The following PHLDB3 variants were observed in gnomAD, a reference collection of about 807,000 sequenced individuals.
The protein encoded by PHLDB3 is pleckstrin homology-like domain family B member 3.
PHLDB3 carries 86 observed loss-of-function variants against 85.7 expected under a neutral mutation model. The ratio of observed to expected loss-of-function variants is 1.00; its 90% CI spans 0.84 to 1.20. The LOEUF (loss-of-function observed/expected upper bound fraction) is 1.20, where lower values mean the gene tolerates loss of function less well. Among genes scored for constraint, PHLDB3 ranks in the 50% most tolerant of loss-of-function variants. The pLI is 0.00. For missense variants in PHLDB3, 995 were observed against 873.0 expected, an observed-to-expected ratio of 1.14 and a Z score of -1.76; for synonymous variants, 376 against 349.8, an observed-to-expected ratio of 1.07 and a Z score of -0.83.
At chr19:43,483,794 A>G (rs1971095705) in intron 13 of PHLDB3, among the ~76,000 whole-genome samples, 1 of 152,222 alleles carries the variant, frequency 6.6e-6, no homozygotes, top group Non-Finnish European at 1.5e-5. Context: ...AACCAAATGC[A>G]TAGCGTGTGC....
chr19:43,483,017 G>A (rs1449291094), intron 13 of PHLDB3, among the ~76,000 whole-genome samples: 1 of 152,162 alleles, frequency 6.6e-6, no homozygotes, highest in African/African-American at 2.4e-5. Flanking sequence ...CAAAGGTGGG[G>A]ATTGTTATCT....
At chr19:43,489,679 A>G (rs1011674944) in intron 9 of PHLDB3, among the ~76,000 whole-genome samples, 1 of 152,012 alleles carries the variant, frequency 6.6e-6, no homozygotes, top group Non-Finnish European at 1.5e-5. Context: ...AGAAAAAAAA[A>G]GTTTGTTTTT....
At chr19:43,495,361 T>C (rs1169800075) in intron 7 of PHLDB3, 22 bp from the exon 8 acceptor site, 1 of 1,610,626 alleles carries the variant, frequency 6.2e-7, no homozygotes, top group South Asian at 1.1e-5. Flanking sequence ...TATGGACAGC[T>C]ACGTGTCAAA....
chr19:43,480,825 TAG>T (rs1971030120), intron 13 of PHLDB3, among the ~76,000 whole-genome samples: 1 of 152,020 alleles, frequency 6.6e-6, no homozygotes, highest in Non-Finnish European at 1.5e-5. Context: ...ACTCACCAGG[TAG>T]AGTGGTCACC....
At position 43,497,977 on chromosome 19, in the gene PHLDB3, G is replaced by C. The variant is rs116781618; in HGVS notation, c.535-101C>G. On this transcript the variant is annotated intron_variant, in intron 4 of 15. Transcript: ENST00000292140. Reference sequence around the variant, plus strand: ...TGCCTGGGGTGTCGGCTGTACAAAGGCAGGGACTTCATCTATGTGATTCAC... The same window carrying C: ...TGCCTGGGGTGTCGGCTGTACAAAGCCAGGGACTTCATCTATGTGATTCAC... The C allele has an allele frequency of 4.5e-3, 6,552 of 1,467,000 alleles. 272 individuals carry two copies. The African/African-American group carries it at 0.082, about 18-fold the overall frequency. 90.9% of individuals were successfully genotyped at this position (1,467,000 alleles called of 1,614,324 possible). A position where few individuals can be genotyped will look rare whatever the true frequency, so the allele number is the denominator to read the frequency against.
chr19:43,479,364 A>C lies in PHLDB3; in HGVS notation c.1702+13T>G. 6.4e-7 allele frequency: 1 copy of C among 1,553,776 alleles called. No homozygotes were observed. ...CAGCGTCCTGGGGCCCATGGTGGCC[A>C]GGCTGGGCTTACCCGCATAGTAGGC... On this transcript the variant is annotated intron_variant, in intron 14 of 15. Transcript: ENST00000292140.
chr19:43,495,371 A>C lies in PHLDB3; in HGVS notation c.952-32T>G, dbSNP rs200689189. ...GAAGATATGGACAGCTACGTGTCAA[A>C]GTCAGAATGGGCTGTCCCAGCTGCT... On this transcript the variant is annotated intron_variant, in intron 7 of 15. Transcript: ENST00000292140. 4.6e-4 allele frequency: 739 copies of C among 1,608,192 alleles called. 6 individuals carry two copies. In the Admixed American group the frequency reaches 7.2e-3, roughly 16 times the overall value.
At chr19:43,500,895 G>GCTCCCCCC (rs1971571395) in intron 4 of PHLDB3, among the ~76,000 whole-genome samples, 1 of 33,560 alleles carries the variant, frequency 3.0e-5, no homozygotes, top group Non-Finnish European at 5.3e-5. Context: ...CTCCCACTTT[G>GCTCCCCCC]CCCCGCCCCC....
At chr19:43,499,267 G>A (rs1405446334) in intron 4 of PHLDB3, among the ~76,000 whole-genome samples, 1 of 152,146 alleles carries the variant, frequency 6.6e-6, no homozygotes, top group Non-Finnish European at 1.5e-5. Context: ...CTCTGGCCTG[G>A]TGACCAAAGG....
intron 6 of PHLDB3, chr19:43,496,260 C>T (rs1332048028): frequency 6.6e-6 from 1 of 152,200 alleles, no homozygotes. Context: ...GGTCATCTGC[C>T]TGCCTCGGCC....
chr19:43,485,002 T>G (rs1427655300), intron 13 of PHLDB3, among the ~76,000 whole-genome samples: 1 of 151,518 alleles, frequency 6.6e-6, no homozygotes, highest in East Asian at 1.9e-4. Flanking sequence ...TGCAGAAGAC[T>G]TATGAGAAAA....
At chr19:43,476,656 A>C (rs1474026379) in intron 15 of PHLDB3, among the ~76,000 whole-genome samples, 1 of 152,060 alleles carries the variant, frequency 6.6e-6, no homozygotes, top group Non-Finnish European at 1.5e-5. Context: ...GAGCAAGAAA[A>C]AAAAAAAGAA....
rs982337350 is a variant in PHLDB3, at chr19:43,487,446, G to A, written c.1150-323C>T. ...AGAAATTAGCCGGGCATGGTGGCACGCGCCTGTAGTCCCAGCTACTCGGGA... is the reference window on the plus strand; with the variant it reads ...AGAAATTAGCCGGGCATGGTGGCACACGCCTGTAGTCCCAGCTACTCGGGA... On this transcript the variant is annotated intron_variant, in intron 9 of 15. Transcript: ENST00000292140. Among the ~76,000 whole-genome samples the A allele has an allele frequency of 2.6e-5, 4 of 151,518 alleles. No individual in the cohort carries two copies. The South Asian group carries it at 6.3e-4, about 24-fold the overall frequency.
chr19:43,502,242 G>C lies in PHLDB3; in HGVS notation c.255C>G (p.Pro85=), dbSNP rs752683205. The part of the protein sequence containing the change: ...TPPIAMAATP[P]ASTSSREGVR... ...CCCCTTCCCGCGAAGAGGTGGATGC[G>C]GGAGGTGTGGCCGCCATAGCTATCG... The change falls in exon 3 of 16, where the codon CCC becomes CCG. Residue 85 remains proline (P), a synonymous_variant. Transcript: ENST00000292140. The C allele has an allele frequency of 6.4e-7, 1 of 1,564,042 alleles. No individual in the cohort carries two copies. The highest frequency in any genetic ancestry group is 2.4e-5 in the East Asian group (1 of 42,034).
At chr19:43,499,742 CT>C (rs988329996) in intron 4 of PHLDB3, among the ~76,000 whole-genome samples, 1 of 151,746 alleles carries the variant, frequency 6.6e-6, no homozygotes. Context: ...ATAAAAGATT[CT>C]TTTTTTTGAG....
At position 43,494,789 on chromosome 19, in the gene PHLDB3, G is replaced by A. The variant is rs1475967902; in HGVS notation, c.1062C>T (p.Arg354=). The A allele has an allele frequency of 3.1e-6, 5 of 1,612,942 alleles. No individual in the cohort carries two copies. Among genetic ancestry groups the A allele is most frequent in the Non-Finnish European group, 4.2e-6 (5 of 1,179,692 alleles). ...TKLLFTQKTD[R]QLLVLQDAVA... ...CGGCATCCTGGAGCACCAGCAGCTG[G>A]CGGTCTGTCTTCTGGGTGAACAGCA... The change falls in exon 9 of 16, where the codon CGC becomes CGT. Residue 354 remains arginine (R), a synonymous_variant. Transcript: ENST00000292140.
intron 4 of PHLDB3, among the ~76,000 whole-genome samples, chr19:43,500,908 T>TCCCCCCCCCCCCCCC (rs1568485127): frequency 1.2e-4 from 1 of 8,314 alleles, no homozygotes; most frequent in Non-Finnish European, 2.6e-4. Flanking sequence ...CCGCCCCCCG[T>TCCCCCCCCCCCCCCC]ACCCCCCCCC....
chr19:43,495,231 TGA>T, intron 8 of PHLDB3, 23 bp downstream of exon 8: 1 of 1,604,780 alleles, frequency 6.2e-7, no homozygotes, highest in Non-Finnish European at 8.5e-7. Flanking sequence ...GAGGAGGGAC[TGA>T]GAGGCATACA....
chr19:43,484,057 G>T (rs1168710506), intron 13 of PHLDB3, among the ~76,000 whole-genome samples: 2 of 152,004 alleles, frequency 1.3e-5, no homozygotes, highest in Non-Finnish European at 2.9e-5. Flanking sequence ...TTCAAAACCA[G>T]CCTGGCCAAC....
Sources: allele counts gnomAD v4.1 joint callset (sites outside exome capture counted in the v4.1 genomes callset), GRCh38; gene constraint gnomAD v4.1.1; transcripts MANE v1.5; gene names NCBI Gene and HGNC (gene_info 2026-07-23, HGNC 2026-07-21).